The following NECAB1 variants were observed in gnomAD, a reference collection of about 807,000 sequenced individuals.
The protein encoded by NECAB1 is N-terminal EF-hand calcium-binding protein 1.
NECAB1 carries 29 observed loss-of-function variants against 57.5 expected under a neutral mutation model. That is an observed-to-expected ratio of 0.50 (90% CI 0.38 to 0.69). NECAB1 has a LOEUF of 0.69. NECAB1 is among the 30% of genes least tolerant of loss of function. The pLI is 0.00. For missense variants in NECAB1, 372 were observed against 413.8 expected, an observed-to-expected ratio of 0.90 and a Z score of 0.88; for synonymous variants, 142 against 147.7, an observed-to-expected ratio of 0.96 and a Z score of 0.28.
chr8:90,798,158 G>T (rs1362585636), intron 1 of NECAB1, among the ~76,000 whole-genome samples: 1 of 152,130 alleles, frequency 6.6e-6, no homozygotes, highest in African/African-American at 2.4e-5. Flanking sequence ...TGATCATGTG[G>T]TCTCTATCCT....
intron 10 of NECAB1, 49 bp downstream of exon 10, chr8:90,940,947 C>A: frequency 7.5e-7 from 1 of 1,333,768 alleles, no homozygotes; most frequent in Non-Finnish European, 1.1e-6. Context: ...CCTGGGAATA[C>A]AGTGAAGGCA....
chr8:90,924,714 A>T (rs1012988228), intron 6 of NECAB1, among the ~76,000 whole-genome samples: 1 of 152,180 alleles, frequency 6.6e-6, no homozygotes, highest in Non-Finnish European at 1.5e-5. Context: ...CCAGGAAAGA[A>T]GATTAAGGAA....
chr8:90,851,662 A>T (rs1267279665), intron 3 of NECAB1, among the ~76,000 whole-genome samples: 1 of 152,138 alleles, frequency 6.6e-6, no homozygotes, highest in African/African-American at 2.4e-5. Flanking sequence ...ATGGAGTGAA[A>T]GATACAGAGA....
At chr8:90,849,658 A>G (rs1018758885) in intron 3 of NECAB1, among the ~76,000 whole-genome samples, 7 of 136,862 alleles carry the variant, frequency 5.1e-5, no homozygotes, top group African/African-American at 1.6e-4. Context: ...CTAAAAAACT[A>G]GTTTTTTTAT....
At chr8:90,886,513 G>A (rs1257406939) in intron 5 of NECAB1, among the ~76,000 whole-genome samples, 1 of 151,896 alleles carries the variant, frequency 6.6e-6, no homozygotes, top group Non-Finnish European at 1.5e-5. Flanking sequence ...GGTCTTCTCT[G>A]TTCTCTCTCT....
intron 5 of NECAB1, among the ~76,000 whole-genome samples, chr8:90,908,261 GAA>G (rs1225729361): frequency 6.6e-6 from 1 of 152,110 alleles, no homozygotes; most frequent in South Asian, 2.1e-4. Flanking sequence ...GATATTCAAA[GAA>G]AAGTGTGTGA....
At chr8:90,800,588 T>G (rs1811743709) in intron 1 of NECAB1, among the ~76,000 whole-genome samples, 1 of 152,218 alleles carries the variant, frequency 6.6e-6, no homozygotes, top group Non-Finnish European at 1.5e-5. Flanking sequence ...CCAGATAAAG[T>G]TACATTCGTG....
At chr8:90,860,411 T>C (rs1812880048) in intron 3 of NECAB1, among the ~76,000 whole-genome samples, 1 of 152,084 alleles carries the variant, frequency 6.6e-6, no homozygotes, top group South Asian at 2.1e-4. Flanking sequence ...AAAAACTTAT[T>C]ATCCATGTCT....
chr8:90,906,024 ACT>A (rs1809635667), intron 5 of NECAB1, among the ~76,000 whole-genome samples: 1 of 150,512 alleles, frequency 6.6e-6, no homozygotes, highest in East Asian at 2.0e-4. Flanking sequence ...ATTATCGCTG[ACT>A]CTTTTTTATG....
intron 3 of NECAB1, among the ~76,000 whole-genome samples, chr8:90,850,400 A>G (rs1165829942): frequency 2.0e-5 from 3 of 152,250 alleles, no homozygotes; most frequent in Non-Finnish European, 2.9e-5. Context: ...GTAAGGAATC[A>G]GTAAAATTAA....
intron 5 of NECAB1, among the ~76,000 whole-genome samples, chr8:90,910,968 T>C (rs1231411932): frequency 1.3e-5 from 2 of 152,172 alleles, no homozygotes; most frequent in Non-Finnish European, 2.9e-5. Flanking sequence ...CAATTGTAGG[T>C]TGATGATGAC....
intron 3 of NECAB1, among the ~76,000 whole-genome samples, chr8:90,844,575 C>G (rs987816843): frequency 1.3e-5 from 2 of 152,142 alleles, no homozygotes; most frequent in African/African-American, 4.8e-5. Context: ...GTCCTTATGT[C>G]TAAACTTCTG....
chr8:90,951,757 T>G (rs1017455785), intron 12 of NECAB1, among the ~76,000 whole-genome samples: 2 of 107,010 alleles, frequency 1.9e-5, no homozygotes, highest in African/African-American at 1.2e-4. Flanking sequence ...CAAAGACAAA[T>G]TTTAGCAGAA....
At chr8:90,908,281 G>A (rs143023486) in intron 5 of NECAB1, among the ~76,000 whole-genome samples, 2 of 152,158 alleles carry the variant, frequency 1.3e-5, no homozygotes, top group African/African-American at 4.8e-5. Flanking sequence ...TGAGCAATAA[G>A]GTGGAAAGCA....
At chr8:90,913,816 C>T (rs1341181598) in intron 5 of NECAB1, among the ~76,000 whole-genome samples, 1 of 152,182 alleles carries the variant, frequency 6.6e-6, no homozygotes, top group Non-Finnish European at 1.5e-5. Context: ...ATCTGTGCCA[C>T]CCGGGTCTGC....
At chr8:90,918,294 A>G (rs1973283) in intron 6 of NECAB1, among the ~76,000 whole-genome samples, 79,987 of 151,538 alleles carry the variant, frequency 0.53, 24,665 homozygotes, top group African/African-American at 0.83. Context: ...TTACAGGTGT[A>G]AGCCACTGAG....
At position 90,925,579 on chromosome 8, in the gene NECAB1, G is replaced by A; in HGVS notation, c.539G>A (p.Gly180Glu). The change falls in exon 7 of 13, where the codon GGA (glycine) becomes GAA (glutamate). Residue 180 changes from glycine to glutamate, a missense_variant. Transcript: ENST00000417640. ...KPEVLSIQWP[G>E]KRSSRRVQRH... ...GAAGTCCTGTCGATTCAATGGCCTGGAAAACGATCAAGCCGCCGAGTCCAG... is the reference window on the plus strand; with the variant it reads ...GAAGTCCTGTCGATTCAATGGCCTGAAAAACGATCAAGCCGCCGAGTCCAG... The A allele has an allele frequency of 6.2e-7, 1 of 1,613,412 alleles. No homozygotes were observed. The highest frequency in any genetic ancestry group is 8.5e-7 in the Non-Finnish European group (1 of 1,179,690).
chr8:90,893,444 A>G (rs999764859), intron 5 of NECAB1, among the ~76,000 whole-genome samples: 2 of 152,172 alleles, frequency 1.3e-5, no homozygotes, highest in Admixed American at 6.5e-5. Context: ...GGATGTGATG[A>G]AGATCACTGA....
intron 3 of NECAB1, among the ~76,000 whole-genome samples, chr8:90,867,154 C>T (rs1026380571): frequency 6.6e-6 from 1 of 152,172 alleles, no homozygotes; most frequent in Non-Finnish European, 1.5e-5. Context: ...GCCACAAACA[C>T]TATAGTATTT....
Sources: allele counts gnomAD v4.1 joint callset (sites outside exome capture counted in the v4.1 genomes callset), GRCh38; gene constraint gnomAD v4.1.1; transcripts MANE v1.5; gene names NCBI Gene and HGNC (gene_info 2026-07-23, HGNC 2026-07-21).